The following ANLN variants were observed in gnomAD, a reference collection of about 807,000 sequenced individuals.
ANLN encodes anillin.
A neutral mutation model predicts 135.1 loss-of-function variants in ANLN; 59 were observed. The observed-to-expected ratio is 0.44, with a 90% CI of 0.35 to 0.54. ANLN has a LOEUF of 0.54. Among genes scored for constraint, ANLN ranks in the 20% least tolerant of loss-of-function variants. The probability of loss-of-function intolerance (pLI) is 0.00; values close to 1 mark genes in which losing one functional copy is unlikely to be tolerated. For missense variants in ANLN, 1,182 were observed against 1,340.0 expected (o/e 0.88, Z 1.84); for synonymous variants, 406 against 456.4 (o/e 0.89, Z 1.41).
chr7:36,408,345 C>CT (rs1787275827), intron 5 of ANLN, among the ~76,000 whole-genome samples: 1 of 152,044 alleles, frequency 6.6e-6, no homozygotes, highest in Admixed American at 6.6e-5. Flanking sequence ...GAAGGCACCT[C>CT]TAATAGCAGA....
intron 23 of ANLN, 140 bp from the exon 24 acceptor site, chr7:36,452,337 G>A: frequency 2.9e-6 from 3 of 1,026,736 alleles, no homozygotes; most frequent in Non-Finnish European, 4.3e-6. Context: ...CTAAGTGGCT[G>A]TGGATTAGCA....
At chr7:36,408,353 A>G (rs1012674795) in intron 5 of ANLN, among the ~76,000 whole-genome samples, 1 of 152,174 alleles carries the variant, frequency 6.6e-6, no homozygotes, top group African/African-American at 2.4e-5. Flanking sequence ...CTCTAATAGC[A>G]GAGGGAAGTG....
At chr7:36,410,872 G>A (rs1321655555) in intron 6 of ANLN, among the ~76,000 whole-genome samples, 168 bp downstream of exon 6, 2 of 152,112 alleles carry the variant, frequency 1.3e-5, no homozygotes, top group East Asian at 3.8e-4. Context: ...TATGGCCGTA[G>A]ACAGTATCAC....
At position 36,420,178 on chromosome 7, in the gene ANLN, T is replaced by A. The variant is rs1281408084; in HGVS notation, c.1879T>A (p.Ser627Thr). The A allele has an allele frequency of 6.2e-7, 1 of 1,613,860 alleles. No individual in the cohort carries two copies. Among genetic ancestry groups the A allele is most frequent in the Admixed American group, 1.7e-5 (1 of 60,000 alleles). ...VGVVSPESLV[S>T]TPRLELKDTS... is the part of the protein sequence containing the mutation. ...ATGCGTTTTCCCACAGAGTTTAGTG[T>A]CCACACCTAGACTGGAATTGAAAGA... The change falls in exon 11 of 24, where the codon TCC becomes ACC. Residue 627 changes from serine to threonine, a missense_variant. Coordinates refer to ENST00000265748, the MANE Select transcript of ANLN (RefSeq NM_018685.5).
Position 36,417,188 on chromosome 7 carries a change from T to G in ANLN, c.1631T>G (p.Ile544Ser), listed in dbSNP as rs1310952808. ...VTSDPKVEQK[I>S]EVIREIEMSV... is the part of the protein sequence containing the mutation. Reference sequence around the variant, plus strand: ...TCAGACCCAAAGGTTGAGCAGAAAATTGGTTGGTTTTTATTCTTTATTTAT... The same window carrying G: ...TCAGACCCAAAGGTTGAGCAGAAAAGTGGTTGGTTTTTATTCTTTATTTAT... Residue 544 changes from isoleucine to serine, a missense_variant and splice_region_variant, in exon 9 of 24, where the codon ATT becomes AGT. Physicochemically the swap from Ile to Ser is moderately radical, Grantham distance 142 (BLOSUM62 -2). Transcript: ENST00000265748. The G allele has an allele frequency of 1.9e-6, 3 of 1,573,692 alleles. No homozygotes were observed. Among genetic ancestry groups the G allele is most frequent in the Non-Finnish European group, 2.6e-6 (3 of 1,154,866 alleles).
At chr7:36,445,827 T>A (rs1269748586) in intron 22 of ANLN, among the ~76,000 whole-genome samples, 2 of 152,226 alleles carry the variant, frequency 1.3e-5, no homozygotes, top group Non-Finnish European at 2.9e-5. Context: ...CGATTTTCCA[T>A]TCCCACCAGG....
At chr7:36,419,209 G>C (rs1356620148) in intron 9 of ANLN, 35 bp from the exon 10 acceptor site, 1 of 1,449,550 alleles carries the variant, frequency 6.9e-7, no homozygotes, top group Non-Finnish European at 9.7e-7. Context: ...TTAAATATCT[G>C]AGTCACAGTG....
At chr7:36,394,099 G>A (rs1289170352) in intron 1 of ANLN, among the ~76,000 whole-genome samples, 2 of 152,150 alleles carry the variant, frequency 1.3e-5, no homozygotes, top group East Asian at 1.9e-4. Context: ...AGGTAGCTGG[G>A]ACTACAGATG....
intron 17 of ANLN, 113 bp from the exon 18 acceptor site, chr7:36,425,589 C>A: frequency 1.3e-6 from 1 of 756,144 alleles, no homozygotes; most frequent in Non-Finnish European, 2.0e-6. Flanking sequence ...CCACTGCTCC[C>A]GGCTAAGAAT....
chr7:36,423,743 T>C, intron 14 of ANLN, 74 bp from the exon 15 acceptor site: 1 of 1,342,390 alleles, frequency 7.4e-7, no homozygotes, highest in East Asian at 2.4e-5. Flanking sequence ...TTTATTTCTT[T>C]GGTATTCCAG....
chr7:36,422,540 G>A (rs1027882621), intron 13 of ANLN, 93 bp from the exon 14 acceptor site: 10 of 1,138,192 alleles, frequency 8.8e-6, no homozygotes, highest in Admixed American at 2.9e-5. Context: ...TCGCTGTTAC[G>A]TACAGTTTCC....
In ANLN at chr7:36,390,929, CTG is replaced by C. The variant is rs140891117; in HGVS notation, c.18+887_18+888del. ...TTTAGGCTGTTGTGCAAATTTCAAA[CTG>C]TTAGTTTTTGAGTGTTGCAAAGTGG... On this transcript the variant is annotated intron_variant, in intron 1 of 23. Transcript: ENST00000265748. Among the ~76,000 whole-genome samples, 371 of 152,328 alleles carry C rather than the reference CTG, an allele frequency of 2.4e-3. 2 individuals are homozygous for C. The highest frequency in any genetic ancestry group is 8.7e-3 in the African/African-American group (362 of 41,584).
At chr7:36,432,125 G>A (rs1157722263) in intron 20 of ANLN, among the ~76,000 whole-genome samples, 2 of 152,314 alleles carry the variant, frequency 1.3e-5, no homozygotes, top group East Asian at 3.9e-4. Flanking sequence ...AGAAGGCTGA[G>A]ATGGGGGAAT....
chr7:36,408,690 A>G (rs567144199), intron 5 of ANLN, among the ~76,000 whole-genome samples: 1 of 152,190 alleles, frequency 6.6e-6, no homozygotes, highest in East Asian at 1.9e-4. Context: ...GCCAAACTGT[A>G]TATTTGTACT....
chr7:36,451,101 T>A (rs1231155964), intron 23 of ANLN, among the ~76,000 whole-genome samples: 1 of 152,200 alleles, frequency 6.6e-6, no homozygotes, highest in Non-Finnish European at 1.5e-5. Flanking sequence ...CAGCTTTGCT[T>A]GGTGACCTAA....
intron 21 of ANLN, among the ~76,000 whole-genome samples, chr7:36,441,368 T>A (rs1788765271): frequency 6.6e-6 from 1 of 152,234 alleles, no homozygotes; most frequent in Non-Finnish European, 1.5e-5. Flanking sequence ...AGCTCTGGAT[T>A]CCCCGACATA....
intron 9 of ANLN, among the ~76,000 whole-genome samples, chr7:36,418,579 T>C (rs1348417423): frequency 6.6e-6 from 1 of 152,180 alleles, no homozygotes; most frequent in Non-Finnish European, 1.5e-5. Context: ...TATTGACTGC[T>C]GTGTGAAAGG....
At chr7:36,416,903 T>C (rs1274788741) in intron 8 of ANLN, among the ~76,000 whole-genome samples, 177 bp from the exon 9 acceptor site, 2 of 151,752 alleles carry the variant, frequency 1.3e-5, no homozygotes, top group African/African-American at 4.8e-5. Flanking sequence ...CCAGCATAAA[T>C]GGGTTAAGAG....
chr7:36,452,634 G>A lies in ANLN; in HGVS notation c.*34G>A. ...ATTTCCATGCTATCTAGAGGTTTTT[G>A]ATGTCATCTTAAGAAACACACTTAA... is the stretch of plus-strand genomic sequence containing the variant. On this transcript the variant is annotated 3_prime_UTR_variant, in exon 24 of 24. Coordinates refer to ENST00000265748, the MANE Select transcript of ANLN (RefSeq NM_018685.5). The A allele has an allele frequency of 6.2e-7, 1 of 1,607,668 alleles. No homozygotes were observed. Among genetic ancestry groups the A allele is most frequent in the East Asian group, 2.2e-5 (1 of 44,758 alleles).
Sources: allele counts gnomAD v4.1 joint callset (sites outside exome capture counted in the v4.1 genomes callset), GRCh38; gene constraint gnomAD v4.1.1; transcripts MANE v1.5; gene names NCBI Gene and HGNC (gene_info 2026-07-23, HGNC 2026-07-21).